OTOG: variants seen among roughly 807,000 people sequenced by gnomAD.
The protein encoded by OTOG is otogelin.
Under a neutral mutation model 313.8 loss-of-function variants are expected in OTOG, and 296 were observed. The ratio of observed to expected loss-of-function variants is 0.94; its 90% CI spans 0.86 to 1.04. The LOEUF is 1.04. Ranked by LOEUF, OTOG falls within the 50% of genes least tolerant of loss-of-function variation. The pLI is 0.00. For missense variants in OTOG, 3,948 were observed against 3,840.1 expected, an observed-to-expected ratio of 1.03 and a Z score of -0.74; for synonymous variants, 1,533 against 1,554.9, an observed-to-expected ratio of 0.99 and a Z score of 0.33.
At chr11:17,549,404 G>A (rs894543142) in intron 3 of OTOG, among the ~76,000 whole-genome samples, 1 of 152,232 alleles carries the variant, frequency 6.6e-6, no homozygotes, top group Admixed American at 6.5e-5. Flanking sequence ...GGGGGATGGT[G>A]TGGGCGTGCT....
chr11:17,577,903 C>T (rs1411439599), intron 22 of OTOG, among the ~76,000 whole-genome samples: 1 of 151,490 alleles, frequency 6.6e-6, no homozygotes. Flanking sequence ...GTAACAGGAC[C>T]GTGACTCTCC....
chr11:17,633,824 C>T lies in OTOG; in HGVS notation c.7217C>T (p.Thr2406Ile). 1 of 1,549,844 alleles carries T rather than the reference C, an allele frequency of 6.5e-7. No individual in the cohort carries two copies. The highest frequency in any genetic ancestry group is 8.7e-7 in the Non-Finnish European group (1 of 1,146,808). Residue 2406 changes from threonine (T) to isoleucine (I), a missense_variant, in exon 43 of 56, where the codon ACC becomes ATC. Physicochemically the swap from Thr to Ile is moderately conservative, Grantham distance 89. Coordinates refer to ENST00000399397, the MANE Select transcript of OTOG (RefSeq NM_001292063.2). ...LGEGCVCSEG[T>I]ILHRRHSALC... ...GAGGGCTGCGTCTGCTCCGAGGGCA[C>T]CATCTTACACCGGCGCCACTCTGCA...
rs1424929752 is a variant in OTOG, at chr11:17,633,932, C to T, written c.7267+58C>T. ...CCAAAGCCAGCCTCAGCCTCGCCTC[C>T]TGCTGTCCACAGCTGAGTCCCATCT... On this transcript the variant is annotated intron_variant, in intron 43 of 55. Transcript: ENST00000399397. 4.0e-6 allele frequency: 6 copies of T among 1,488,270 alleles called. No homozygotes were observed. The African/African-American group carries it at 6.9e-5, about 17-fold the overall frequency. 92.2% of individuals were successfully genotyped at this position (1,488,270 alleles called of 1,614,324 possible). A position where few individuals can be genotyped will look rare whatever the true frequency, so the allele number is the denominator to read the frequency against.
chr11:17,593,172 A>G (rs1463250584), intron 25 of OTOG, 21 bp from the exon 26 acceptor site: 1 of 1,541,484 alleles, frequency 6.5e-7, no homozygotes, highest in Non-Finnish European at 8.8e-7. Flanking sequence ...GTTTTATTGG[A>G]CTCACTTATT....
At chr11:17,620,491 T>C (rs931670141) in intron 39 of OTOG, among the ~76,000 whole-genome samples, 4 of 152,234 alleles carry the variant, frequency 2.6e-5, no homozygotes, top group Admixed American at 6.5e-5. Context: ...CCATTCATTA[T>C]TGATGGGCAT....
At position 17,612,314 on chromosome 11, in the gene OTOG, A is replaced by T. The variant is rs1284876856; in HGVS notation, c.6276A>T (p.Pro2092=). The T allele has an allele frequency of 1.3e-6, 2 of 1,535,502 alleles. No homozygotes were observed. The highest frequency in any genetic ancestry group is 2.4e-5 in the East Asian group (1 of 40,822). Residue 2092 remains proline (P), a synonymous_variant, in exon 37 of 56, where the codon CCA becomes CCT. Coordinates refer to ENST00000399397, the MANE Select transcript of OTOG (RefSeq NM_001292063.2). ...GGGTGGGTGGGGACCGCTGCTGCCC[A>T]CTCTGGGAGTGTGCCTGTGAGTCAT... is the stretch of plus-strand genomic sequence containing the variant. ...AVRVGGDRCC[P]LWECACRCSI...
At chr11:17,621,546 C>T (rs1402007419) in intron 39 of OTOG, among the ~76,000 whole-genome samples, 2 of 152,128 alleles carry the variant, frequency 1.3e-5, no homozygotes, top group African/African-American at 4.8e-5. Flanking sequence ...GCTGAAAATT[C>T]AGGACAGGGT....
At chr11:17,592,739 A>G (rs1430805557) in intron 25 of OTOG, among the ~76,000 whole-genome samples, 1 of 152,206 alleles carries the variant, frequency 6.6e-6, no homozygotes, top group Non-Finnish European at 1.5e-5. Flanking sequence ...ATGGACATTT[A>G]GGTTGTCTCC....
At chr11:17,589,915 CT>C (rs1375542338) in intron 24 of OTOG, among the ~76,000 whole-genome samples, 1 of 152,210 alleles carries the variant, frequency 6.6e-6, no homozygotes, top group East Asian at 1.9e-4. Flanking sequence ...CTTCTTGATA[CT>C]TTCATTCATG....
chr11:17,578,153 A>T (rs780093323), intron 22 of OTOG: 87 of 962,686 alleles, frequency 9.0e-5, no homozygotes, highest in Non-Finnish European at 1.1e-4. Flanking sequence ...ACGTGCAGAG[A>T]TGGGTCCTGG....
At chr11:17,629,896 G>A (rs1413546010) in intron 40 of OTOG, among the ~76,000 whole-genome samples, 1 of 152,062 alleles carries the variant, frequency 6.6e-6, no homozygotes, top group African/African-American at 2.4e-5. Flanking sequence ...TCATTGCCGG[G>A]GCATAAGCAC....
In OTOG at chr11:17,586,546, C is replaced by T. The variant is rs876657553; in HGVS notation, c.2832C>T (p.Phe944=). Residue 944 remains phenylalanine (F), a synonymous_variant, in exon 24 of 56, where the codon TTC becomes TTT. Transcript: ENST00000399397. The part of the protein sequence containing the change: ...CPCTWKGKEY[F]PGDQVMSPCH... The stretch of plus-strand genomic sequence containing the variant: ...GCACTTGGAAGGGGAAGGAGTATTT[C>T]CCTGGGGACCAGGTGATGTCTCCTT... 22 of 1,437,574 alleles carry T rather than the reference C, an allele frequency of 1.5e-5. No homozygotes were observed. Among genetic ancestry groups the T allele is most frequent in the Non-Finnish European group, 2.0e-5 (22 of 1,090,944 alleles). The allele number at this position is 1,437,574 out of a possible 1,614,324, so 89.1% of individuals were successfully genotyped here.
In OTOG at chr11:17,640,944, G is replaced by T; in HGVS notation, c.8043G>T (p.Leu2681=). The T allele has an allele frequency of 6.5e-7, 1 of 1,548,336 alleles. No homozygotes were observed. Among genetic ancestry groups the T allele is most frequent in the Non-Finnish European group, 8.7e-7 (1 of 1,146,958 alleles). The change falls in exon 51 of 56, where the codon CTG becomes CTT. Residue 2681 remains leucine, a synonymous_variant. Transcript: ENST00000399397. The part of the protein sequence containing the change: ...VKAPVCLSRE[L]GVMQPGQTVV... The stretch of plus-strand genomic sequence containing the variant: ...CCCCGGTGTGTCTGAGCCGCGAGCT[G>T]GGTGTGATGCAGCCCGGCCAGACAG...
intron 4 of OTOG, among the ~76,000 whole-genome samples, chr11:17,552,567 CCCCACCTGTCCTGTGTCT>C (rs1189704502): frequency 0.069 from 7,048 of 102,678 alleles, 306 homozygotes; most frequent in Middle Eastern, 0.2. Context: ...GTCCTGTGTC[CCCCACCTGTCCTGTGTCT>C]CCCACCTGTC....
At chr11:17,585,418 CAG>C (rs941042943) in intron 23 of OTOG, among the ~76,000 whole-genome samples, 2 of 152,090 alleles carry the variant, frequency 1.3e-5, no homozygotes, top group Non-Finnish European at 2.9e-5. Context: ...TCAGTTTAGA[CAG>C]GGGTTTGTCA....
At chr11:17,616,831 A>G (rs1428381639) in intron 39 of OTOG, among the ~76,000 whole-genome samples, 2 of 152,150 alleles carry the variant, frequency 1.3e-5, no homozygotes, top group Non-Finnish European at 2.9e-5. Context: ...CTTCCTTTCC[A>G]ATGAGTATGC....
chr11:17,596,902 A>C lies in OTOG; in HGVS notation c.3577A>C (p.Ser1193Arg), dbSNP rs1414691991. 2 of 1,551,016 alleles carry C rather than the reference A, an allele frequency of 1.3e-6. No homozygotes were observed. The highest frequency in any genetic ancestry group is 2.4e-5 in the East Asian group (1 of 40,900). The change falls in exon 30 of 56, where the codon AGC becomes CGC. Residue 1193 changes from serine to arginine, a missense_variant. Ser to Arg is a moderately radical substitution (Grantham distance 110, BLOSUM62 -1). Coordinates refer to ENST00000399397, the MANE Select transcript of OTOG (RefSeq NM_001292063.2). ...SNCLTDTCGC[S>R]QGGDCECFCA... ...CTGCCTGACAGACACATGTGGCTGCAGCCAGGGTGGTGACTGTGAGTGCTT... is the reference window on the plus strand; with the variant it reads ...CTGCCTGACAGACACATGTGGCTGCCGCCAGGGTGGTGACTGTGAGTGCTT...
chr11:17,547,368 TC>T lies in OTOG; in HGVS notation c.-2del. The T allele has an allele frequency of 7.4e-7, 1 of 1,354,576 alleles. No individual in the cohort carries two copies. Among genetic ancestry groups the T allele is most frequent in the South Asian group, 1.9e-5 (1 of 53,180 alleles). The allele number at this position is 1,354,576 out of a possible 1,614,324, so 83.9% of individuals were successfully genotyped here. ...GCTCAAGTCCTCCGGTCCCCTCGTGTCCCTATGGGAGTCCTGGCGTCTGCGC... is the reference window on the plus strand; with the variant it reads ...GCTCAAGTCCTCCGGTCCCCTCGTGTCCTATGGGAGTCCTGGCGTCTGCGC... On this transcript the variant is annotated 5_prime_UTR_variant, in exon 1 of 56. Transcript: ENST00000399397.
chr11:17,608,908 G>T (rs1029154561), intron 34 of OTOG, among the ~76,000 whole-genome samples: 1 of 152,194 alleles, frequency 6.6e-6, no homozygotes, highest in Admixed American at 6.5e-5. Context: ...GGTCTGAGGG[G>T]TAGAAGTGTG....
Sources: gnomAD v4.1 joint callset for allele counts (sites outside exome capture counted in the v4.1 genomes callset) on GRCh38, gnomAD v4.1.1 for gene constraint, MANE v1.5 for transcripts, NCBI Gene and HGNC (gene_info 2026-07-23, HGNC 2026-07-21) for gene names.